The following CACNA1E variants were observed in gnomAD, a reference collection of about 807,000 sequenced individuals.
CACNA1E encodes voltage-dependent R-type calcium channel subunit alpha-1E.
In CACNA1E, 40 loss-of-function variants were observed where a neutral mutation model predicts 259.2. The ratio of observed to expected loss-of-function variants is 0.15; its 90% CI spans 0.12 to 0.20. The LOEUF (loss-of-function observed/expected upper bound fraction) is 0.20. Ranked by LOEUF, CACNA1E falls within the 10% of genes least tolerant of loss-of-function variation. The pLI is 1.00. For synonymous variants in CACNA1E, 1,104 were observed against 1,138.5 expected, an observed-to-expected ratio of 0.97 and a Z score of 0.61; for missense variants, 1,874 against 3,040.1, an observed-to-expected ratio of 0.62 and a Z score of 9.02.
rs1442590464 is a variant in CACNA1E, at chr1:181,736,189, T to C, written c.3263-86T>C. The C allele has an allele frequency of 2.7e-6, 4 of 1,478,500 alleles. No homozygotes were observed. In the Admixed American group the frequency reaches 6.5e-5, roughly 24 times the overall value. 91.6% of individuals were successfully genotyped at this position (1,478,500 alleles called of 1,614,324 possible). Reference sequence around the variant, plus strand: ...ACATCCCTGGAGCCCTTTCTCCTCCTCTCCTTTCATCCCCAACTAAACACA... The same window carrying C: ...ACATCCCTGGAGCCCTTTCTCCTCCCCTCCTTTCATCCCCAACTAAACACA... On this transcript the variant is annotated intron_variant, in intron 21 of 47. Coordinates refer to ENST00000367573, the MANE Select transcript of CACNA1E (RefSeq NM_001205293.3).
intron 25 of CACNA1E, among the ~76,000 whole-genome samples, chr1:181,746,021 T>G (rs1657049260): frequency 6.6e-6 from 1 of 152,146 alleles, no homozygotes; most frequent in Non-Finnish European, 1.5e-5. Context: ...GGGAAAGGAT[T>G]ATGCACCACT....
intron 1 of CACNA1E, among the ~76,000 whole-genome samples, chr1:181,409,392 T>A (rs546541679): frequency 6.6e-6 from 1 of 152,176 alleles, no homozygotes; most frequent in Non-Finnish European, 1.5e-5. Context: ...AATGGTCACA[T>A]GGCCCCACTC....
chr1:181,408,902 A>G (rs1322417824), intron 1 of CACNA1E, among the ~76,000 whole-genome samples: 1 of 152,112 alleles, frequency 6.6e-6, no homozygotes, highest in Non-Finnish European at 1.5e-5. Context: ...AGTGTGAGCT[A>G]TAGGACAGCA....
In CACNA1E at chr1:181,800,950, C is replaced by T. The variant is rs1269590188; in HGVS notation, c.*2116C>T. Reference sequence around the variant, plus strand: ...GACCCTCTTTTGTCTTCATTTTCCTCTCCCACTTAGCACATGTGTGCTTGA... The same window carrying T: ...GACCCTCTTTTGTCTTCATTTTCCTTTCCCACTTAGCACATGTGTGCTTGA... On this transcript the variant is annotated 3_prime_UTR_variant, in exon 48 of 48. Transcript: ENST00000367573. 1 of 152,688 alleles carries T rather than the reference C, an allele frequency of 6.5e-6. No individual in the cohort carries two copies. Among genetic ancestry groups the T allele is most frequent in the Non-Finnish European group, 1.5e-5 (1 of 68,060 alleles). The allele number at this position is 152,688 out of a possible 1,614,324, so 9.5% of individuals were successfully genotyped here. A position where few individuals can be genotyped will look rare whatever the true frequency, so the allele number is the denominator to read the frequency against.
chr1:181,721,846 A>G lies in CACNA1E; in HGVS notation c.2045A>G (p.Tyr682Cys), dbSNP rs772274113. 1 of 1,612,346 alleles carries G rather than the reference A, an allele frequency of 6.2e-7. No individual in the cohort carries two copies. The highest frequency in any genetic ancestry group is 8.5e-7 in the Non-Finnish European group (1 of 1,178,432). ...AGCTCAGGCATGTGGTCTGCCATCTACTTCATTGTGCTCACCTTGTTTGGC... is the reference window on the plus strand; with the variant it reads ...AGCTCAGGCATGTGGTCTGCCATCTGCTTCATTGTGCTCACCTTGTTTGGC... ...GVSSGMWSAI[Y>C]FIVLTLFGNY... The change falls in exon 16 of 48, where the codon TAC becomes TGC. Residue 682 changes from tyrosine (Y) to cysteine (C), a missense_variant. Around this residue, in one of 14 missense-constraint regions of CACNA1E, gnomAD observed 102 missense variants for 279.4 expected, o/e 0.37. Transcript: ENST00000367573.
chr1:181,625,801 G>C (rs571956983), intron 6 of CACNA1E, among the ~76,000 whole-genome samples: 1 of 152,150 alleles, frequency 6.6e-6, no homozygotes, highest in Non-Finnish European at 1.5e-5. Flanking sequence ...TGGCCATTTG[G>C]TGTAAGAGGC....
intron 1 of CACNA1E, among the ~76,000 whole-genome samples, chr1:181,495,371 A>G (rs1306744998): frequency 6.6e-6 from 1 of 152,204 alleles, no homozygotes; most frequent in Non-Finnish European, 1.5e-5. Context: ...TTACCCTTGC[A>G]GTGCCTTGGA....
intron 1 of CACNA1E, among the ~76,000 whole-genome samples, chr1:181,376,623 ACTGT>A (rs2101979439): frequency 6.6e-6 from 1 of 152,230 alleles, no homozygotes; most frequent in South Asian, 2.1e-4. Flanking sequence ...GGTGGCTCCC[ACTGT>A]CTGTCTTGCT....
intron 7 of CACNA1E, among the ~76,000 whole-genome samples, chr1:181,682,219 G>C (rs998256971): frequency 6.6e-6 from 1 of 152,160 alleles, no homozygotes. Flanking sequence ...CTGGGACCCC[G>C]TGTGACCATA....
Position 181,758,895 on chromosome 1 carries a change from T to TG in CACNA1E, c.4605+30dup. On this transcript the variant is annotated intron_variant, in intron 32 of 47. Transcript: ENST00000367573. The surrounding 1 kb of genome is among the most constrained non-coding windows in gnomAD (Gnocchi z 4.2). ...TATGTTGCTGAATCCTTCCCAGCAC[T>TG]GGGCTTGTCTCTTTCTGTTGGGTGC... The TG allele has an allele frequency of 8.0e-7, 1 of 1,245,086 alleles. No individual in the cohort carries two copies. The highest frequency in any genetic ancestry group is 1.2e-5 in the South Asian group (1 of 81,228). 77.1% of individuals were successfully genotyped at this position (1,245,086 alleles called of 1,614,324 possible). A position where few individuals can be genotyped will look rare whatever the true frequency, so the allele number is the denominator to read the frequency against.
chr1:181,403,265 G>A (rs955074158), intron 1 of CACNA1E, among the ~76,000 whole-genome samples: 11 of 151,120 alleles, frequency 7.3e-5, no homozygotes, highest in Admixed American at 6.6e-4. Flanking sequence ...TTGCATAAAA[G>A]CCCCTTATAG....
intron 6 of CACNA1E, among the ~76,000 whole-genome samples, chr1:181,624,911 G>C (rs367861548): frequency 2.0e-5 from 3 of 152,142 alleles, no homozygotes; most frequent in Admixed American, 6.5e-5. Flanking sequence ...AGACTTGAAA[G>C]TTGAAATTGC....
chr1:181,629,636 G>GT (rs1260444466), intron 6 of CACNA1E, among the ~76,000 whole-genome samples: 1 of 151,338 alleles, frequency 6.6e-6, no homozygotes, highest in Non-Finnish European at 1.5e-5. Context: ...AAAATGACAC[G>GT]TGAAAAAAAT....
At chr1:181,600,309 G>C (rs1170518818) in intron 6 of CACNA1E, among the ~76,000 whole-genome samples, 1 of 152,216 alleles carries the variant, frequency 6.6e-6, no homozygotes, top group Non-Finnish European at 1.5e-5. Context: ...CTCGTTGACT[G>C]TGATTAGGAG....
intron 1 of CACNA1E, among the ~76,000 whole-genome samples, chr1:181,346,041 C>T (rs1032108833): frequency 4.6e-5 from 7 of 152,288 alleles, no homozygotes; most frequent in Admixed American, 2.6e-4. Flanking sequence ...AAGGCTGTCA[C>T]GCTCTGGCAG....
chr1:181,388,911 A>G lies in CACNA1E; in HGVS notation c.-14-24222A>G, dbSNP rs535605909. Among the ~76,000 whole-genome samples, 119 of 151,854 alleles carry G rather than the reference A, an allele frequency of 7.8e-4. 1 individual carries two copies. Among genetic ancestry groups the G allele is most frequent in the Non-Finnish European group, 1.4e-3 (97 of 67,936 alleles). On this transcript the variant is annotated intron_variant, in intron 1 of 11. Coordinates refer to the CACNA1E transcript ENST00000524607. ...CATCTCCAAAAAAAAAAAACGTGTT[A>G]TGATCTTATGGGAGCATCGTTGTAT...
chr1:181,648,337 A>G (rs1658471411), intron 6 of CACNA1E, among the ~76,000 whole-genome samples: 2 of 152,250 alleles, frequency 1.3e-5, no homozygotes, highest in South Asian at 2.1e-4. Context: ...ACATACTCAC[A>G]AAATGCTGAA....
chr1:181,455,518 T>C (rs1455541630), intron 2 of CACNA1E, among the ~76,000 whole-genome samples: 2 of 152,162 alleles, frequency 1.3e-5, no homozygotes. Flanking sequence ...CGTAAAAAAT[T>C]CACCCAGTTG....
intron 1 of CACNA1E, among the ~76,000 whole-genome samples, chr1:181,487,092 A>G (rs920916079): frequency 9.2e-5 from 14 of 151,440 alleles, no homozygotes; most frequent in African/African-American, 3.4e-4. Context: ...ACCTGCTTTC[A>G]TATTGACATT....
Sources: gnomAD v4.1 joint callset for allele counts (sites outside exome capture counted in the v4.1 genomes callset) on GRCh38, gnomAD v4.1.1 for gene constraint, gnomAD v4.1.1 regional missense constraint, Gnocchi (gnomAD v3.1) non-coding constraint, MANE v1.5 for transcripts, NCBI Gene and HGNC (gene_info 2026-07-23, HGNC 2026-07-21) for gene names.